The following ADAMTS16 variants were observed in gnomAD, a reference collection of about 807,000 sequenced individuals.
The protein encoded by ADAMTS16 is ADAM metallopeptidase with thrombospondin type 1 motif 16, also known as A disintegrin and metalloproteinase with thrombospondin motifs 16.
Under a neutral mutation model 145.8 loss-of-function variants are expected in ADAMTS16, and 94 were observed. The ratio of observed to expected loss-of-function variants is 0.64; its 90% CI spans 0.55 to 0.77. The LOEUF (loss-of-function observed/expected upper bound fraction) is 0.77. Ranked by LOEUF, ADAMTS16 falls within the 30% of genes least tolerant of loss-of-function variation. ADAMTS16 has a pLI of 0.00. For missense variants in ADAMTS16, 1,585 were observed against 1,591.5 expected, an observed-to-expected ratio of 1.00 and a Z score of 0.07; for synonymous variants, 659 against 604.3, an observed-to-expected ratio of 1.09 and a Z score of -1.33.
chr5:5,318,687 C>T (rs1459794738), intron 22 of ADAMTS16, among the ~76,000 whole-genome samples: 2 of 152,166 alleles, frequency 1.3e-5, no homozygotes, highest in Non-Finnish European at 2.9e-5. Flanking sequence ...TAAGGCTATT[C>T]TGAGAGATAA....
intron 3 of ADAMTS16, among the ~76,000 whole-genome samples, chr5:5,156,092 G>C (rs1349504689): frequency 6.6e-6 from 1 of 152,198 alleles, no homozygotes; most frequent in Non-Finnish European, 1.5e-5. Context: ...TCCTTAGACT[G>C]TCCGCATTGT....
intron 20 of ADAMTS16, among the ~76,000 whole-genome samples, chr5:5,304,399 AGT>A (rs201680365): frequency 0.015 from 2,214 of 152,214 alleles, 42 homozygotes; most frequent in Non-Finnish European, 0.017. Context: ...CTTTGGACCA[AGT>A]GGTTCCAAAA....
intron 3 of ADAMTS16, among the ~76,000 whole-genome samples, chr5:5,181,505 C>T (rs928613150): frequency 6.6e-6 from 1 of 152,160 alleles, no homozygotes; most frequent in Non-Finnish European, 1.5e-5. Flanking sequence ...GAGAAACCTT[C>T]CTGATTCCCT....
chr5:5,207,282 G>C (rs1478441454), intron 9 of ADAMTS16, among the ~76,000 whole-genome samples: 1 of 151,950 alleles, frequency 6.6e-6, no homozygotes, highest in Non-Finnish European at 1.5e-5. Flanking sequence ...ATTTATATCT[G>C]TTTCATTTTT....
At chr5:5,226,517 A>G (rs1736770681) in intron 11 of ADAMTS16, among the ~76,000 whole-genome samples, 1 of 152,160 alleles carries the variant, frequency 6.6e-6, no homozygotes, top group Admixed American at 6.5e-5. Context: ...TTGGGTAGGG[A>G]CACAGCCAAA....
chr5:5,246,963 C>T (rs1405704475), intron 17 of ADAMTS16, among the ~76,000 whole-genome samples: 1 of 152,170 alleles, frequency 6.6e-6, no homozygotes, highest in East Asian at 1.9e-4. Flanking sequence ...GATCTCCAGG[C>T]CTGTGGGCAG....
chr5:5,315,639 C>T (rs987943826), intron 21 of ADAMTS16, among the ~76,000 whole-genome samples: 2 of 152,154 alleles, frequency 1.3e-5, no homozygotes, highest in African/African-American at 4.8e-5. Context: ...AGGGTGACCA[C>T]AGCCCCAAGG....
Position 5,318,977 on chromosome 5 carries a change from C to T in ADAMTS16, c.3560-46C>T, listed in dbSNP as rs192735011. 1.1e-4 allele frequency: 153 copies of T among 1,391,234 alleles called. 1 individual carries two copies. Among genetic ancestry groups the T allele is most frequent in the Admixed American group, 6.3e-4 (34 of 53,802 alleles). The allele number at this position is 1,391,234 out of a possible 1,614,324, so 86.2% of individuals were successfully genotyped here. On this transcript the variant is annotated intron_variant, in intron 22 of 22. Coordinates refer to ENST00000274181, the MANE Select transcript of ADAMTS16 (RefSeq NM_139056.4). ...AGAGCTATTAGCTGGCAACATCAGT[C>T]GCTGCACTCGGGATCGCTGAGTAAT...
chr5:5,229,058 G>A (rs1736846744), intron 11 of ADAMTS16, among the ~76,000 whole-genome samples: 1 of 152,048 alleles, frequency 6.6e-6, no homozygotes, highest in Non-Finnish European at 1.5e-5. Flanking sequence ...CAGCACTTTG[G>A]GAGGCCGAGG....
intron 9 of ADAMTS16, among the ~76,000 whole-genome samples, chr5:5,204,319 T>G (rs529761898): frequency 6.6e-6 from 1 of 152,226 alleles, no homozygotes; most frequent in African/African-American, 2.4e-5. Context: ...TCATTAACAT[T>G]ATTTTTGTTT....
At chr5:5,299,025 G>A (rs1739662204) in intron 18 of ADAMTS16, among the ~76,000 whole-genome samples, 1 of 151,722 alleles carries the variant, frequency 6.6e-6, no homozygotes, top group Admixed American at 6.6e-5. Context: ...GCGTCTCACG[G>A]CATCCAGCAC....
chr5:5,286,610 G>A (rs904279870), intron 18 of ADAMTS16, among the ~76,000 whole-genome samples: 7 of 152,104 alleles, frequency 4.6e-5, no homozygotes, highest in Non-Finnish European at 1.0e-4. Flanking sequence ...TGTAATCCCA[G>A]CACTTTGGGA....
intron 18 of ADAMTS16, among the ~76,000 whole-genome samples, chr5:5,290,384 G>A (rs1362466603): frequency 6.6e-6 from 1 of 152,220 alleles, no homozygotes; most frequent in African/African-American, 2.4e-5. Context: ...GCCGGGCGTG[G>A]TGGCTCATGC....
chr5:5,174,974 A>T (rs989233180), intron 3 of ADAMTS16, among the ~76,000 whole-genome samples: 17 of 152,192 alleles, frequency 1.1e-4, no homozygotes, highest in African/African-American at 3.9e-4. Flanking sequence ...AATGCCATCC[A>T]AGAGCCAAAG....
intron 18 of ADAMTS16, among the ~76,000 whole-genome samples, chr5:5,283,210 G>A (rs1046663727): frequency 6.6e-6 from 1 of 151,942 alleles, no homozygotes; most frequent in African/African-American, 2.4e-5. Flanking sequence ...CAGTTAGAAT[G>A]TTTCTGCATT....
At chr5:5,282,424 C>G (rs1333166279) in intron 18 of ADAMTS16, among the ~76,000 whole-genome samples, 1 of 152,210 alleles carries the variant, frequency 6.6e-6, no homozygotes, top group Non-Finnish European at 1.5e-5. Flanking sequence ...GCCTACCAAT[C>G]TGTACCAACA....
chr5:5,252,123 G>T (rs112315155), intron 17 of ADAMTS16, among the ~76,000 whole-genome samples: 1 of 152,118 alleles, frequency 6.6e-6, no homozygotes, highest in South Asian at 2.1e-4. Context: ...TGCTGGGATT[G>T]CAGGCGTGAG....
At chr5:5,147,108 C>A (rs1011275260) in intron 3 of ADAMTS16, among the ~76,000 whole-genome samples, 1 of 152,172 alleles carries the variant, frequency 6.6e-6, no homozygotes, top group Non-Finnish European at 1.5e-5. Context: ...TAAGAATCTA[C>A]CTGCATCCCT....
intron 17 of ADAMTS16, among the ~76,000 whole-genome samples, chr5:5,257,027 G>A (rs2913650): frequency 0.93 from 142,250 of 152,282 alleles, 66,572 homozygotes; most frequent in Middle Eastern, 0.98. Context: ...AAGGAAGTCC[G>A]TAAGATTTTC....
Sources: gnomAD v4.1 joint callset for allele counts (sites outside exome capture counted in the v4.1 genomes callset) on GRCh38, gnomAD v4.1.1 for gene constraint, MANE v1.5 for transcripts, NCBI Gene and HGNC (gene_info 2026-07-23, HGNC 2026-07-21) for gene names.